CNTN4: variants seen among roughly 807,000 people sequenced by gnomAD.
CNTN4 encodes contactin 4, also known as contactin-4.
In CNTN4, 77 loss-of-function variants were observed where a neutral mutation model predicts 122.5. The ratio of observed to expected loss-of-function variants is 0.63; its 90% confidence interval spans 0.52 to 0.76. CNTN4 has a LOEUF of 0.76. Ranked by LOEUF, CNTN4 falls within the 30% of genes least tolerant of loss-of-function variation. The probability of loss-of-function intolerance (pLI) is 0.00; values close to 1 mark genes in which losing one functional copy is unlikely to be tolerated. For synonymous variants in CNTN4, 512 were observed against 447.0 expected (o/e 1.15, Z -1.83); for missense variants, 1,256 against 1,259.1 (o/e 1.00, Z 0.04).
At chr3:2,597,725 G>A (rs1054430823) in intron 4 of CNTN4, among the ~76,000 whole-genome samples, 1 of 152,080 alleles carries the variant, frequency 6.6e-6, no homozygotes, top group African/African-American at 2.4e-5. Context: ...CACACGTCAG[G>A]GGAGCATAAA....
chr3:2,324,365 C>A lies in CNTN4; in HGVS notation c.-144-14813C>A, dbSNP rs563429772. Among the ~76,000 whole-genome samples, 70 of 152,230 alleles carry A rather than the reference C, an allele frequency of 4.6e-4. 2 individuals are homozygous for A. Among genetic ancestry groups the A allele is most frequent in the African/African-American group, 1.6e-3 (68 of 41,536 alleles). ...GCACACTCACACTCATACTTTTGTT[C>A]TACATAACATATATATTGTGTAGTA... is the stretch of plus-strand genomic sequence containing the variant. On this transcript the variant is annotated intron_variant, in intron 2 of 24. Transcript: ENST00000418658.
At chr3:2,379,871 A>T (rs541440879) in intron 3 of CNTN4, among the ~76,000 whole-genome samples, 38 of 152,194 alleles carry the variant, frequency 2.5e-4, no homozygotes, top group African/African-American at 8.7e-4. Flanking sequence ...CCTGACAAAC[A>T]TGGAGAAACC....
chr3:2,439,608 C>G lies in CNTN4; in HGVS notation c.-89+100375C>G, dbSNP rs115330814. Among the ~76,000 whole-genome samples, 733 of 152,064 alleles carry G rather than the reference C, an allele frequency of 4.8e-3. 4 individuals carry two copies. The highest frequency in any genetic ancestry group is 0.017 in the African/African-American group (704 of 41,502). On this transcript the variant is annotated intron_variant, in intron 3 of 24. Coordinates refer to ENST00000418658, the MANE Select transcript of CNTN4 (RefSeq NM_175607.3). ...TCATCTGAAGTATCTGTGTTCCTCT[C>G]TCTTTCTGTCTCTGTATGTGTGTGT...
chr3:2,451,350 C>T (rs9816556), intron 3 of CNTN4, among the ~76,000 whole-genome samples: 99,394 of 151,248 alleles, frequency 0.66, 33,118 homozygotes, highest in East Asian at 0.8. Context: ...CAATCTGGGG[C>T]ATCACCAGCA....
intron 4 of CNTN4, among the ~76,000 whole-genome samples, chr3:2,629,006 G>C (rs1434155149): frequency 6.6e-6 from 1 of 152,054 alleles, no homozygotes; most frequent in African/African-American, 2.4e-5. Flanking sequence ...AATTTAATTT[G>C]GTCAATTGTC....
intron 2 of CNTN4, among the ~76,000 whole-genome samples, chr3:2,244,583 A>G (rs2040070194): frequency 6.6e-6 from 1 of 152,120 alleles, no homozygotes; most frequent in South Asian, 2.1e-4. Flanking sequence ...AAAATATATT[A>G]TTAAACTTAA....
chr3:2,818,025 G>T (rs566394638), intron 6 of CNTN4, among the ~76,000 whole-genome samples: 10 of 152,178 alleles, frequency 6.6e-5, no homozygotes, highest in Non-Finnish European at 1.2e-4. Flanking sequence ...CAGAGTATGT[G>T]TGTGTCCTTC....
At chr3:2,844,033 C>T (rs576292652) in intron 7 of CNTN4, among the ~76,000 whole-genome samples, 35 of 152,322 alleles carry the variant, frequency 2.3e-4, no homozygotes, top group African/African-American at 8.2e-4. Context: ...CAACCCCCAT[C>T]CTTCTGTTCC....
chr3:2,194,674 T>C (rs1233039887), intron 2 of CNTN4, among the ~76,000 whole-genome samples: 4 of 152,158 alleles, frequency 2.6e-5, no homozygotes, highest in African/African-American at 7.2e-5. Context: ...CCCAATATGA[T>C]TGGCATCATT....
At chr3:2,362,398 G>T in intron 3 of CNTN4, 1 of 342,414 alleles carries the variant, frequency 2.9e-6, no homozygotes, top group South Asian at 2.4e-5. Context: ...GGCAATTCCT[G>T]GGGGTGTAGC....
intron 4 of CNTN4, among the ~76,000 whole-genome samples, chr3:2,646,774 C>T (rs1260512300): frequency 1.3e-5 from 2 of 152,162 alleles, no homozygotes; most frequent in Non-Finnish European, 2.9e-5. Flanking sequence ...TTCAGATGAT[C>T]ACCTTCTCCC....
chr3:2,402,435 G>A (rs573172903), intron 3 of CNTN4, among the ~76,000 whole-genome samples: 2 of 151,972 alleles, frequency 1.3e-5, no homozygotes, highest in South Asian at 2.1e-4. Flanking sequence ...CATAGTAGTC[G>A]TACATATTAA....
intron 2 of CNTN4, among the ~76,000 whole-genome samples, chr3:2,179,793 T>A (rs1449030961): frequency 1.3e-5 from 2 of 151,954 alleles, no homozygotes; most frequent in African/African-American, 4.8e-5. Context: ...CCTTTAGAAA[T>A]ATTATGTGAG....
intron 3 of CNTN4, among the ~76,000 whole-genome samples, chr3:2,366,186 C>G (rs956886895): frequency 1.4e-4 from 22 of 152,124 alleles, no homozygotes; most frequent in Admixed American, 1.4e-3. Context: ...CTCTTCATTT[C>G]TTGGTTATTT....
At chr3:2,830,242 G>A (rs1335125438) in intron 7 of CNTN4, among the ~76,000 whole-genome samples, 1 of 152,030 alleles carries the variant, frequency 6.6e-6, no homozygotes, top group Non-Finnish European at 1.5e-5. Context: ...TGTATTTGTG[G>A]ATACACAGAT....
In CNTN4 at chr3:2,476,303, G is replaced by C. The variant is rs578244100; in HGVS notation, c.-88-95113G>C. 2.0e-5 allele frequency among the ~76,000 whole-genome samples: 3 copies of C among 152,268 alleles called. No homozygotes were observed. The East Asian group carries it at 5.8e-4, about 29-fold the overall frequency. Reference sequence around the variant, plus strand: ...AGTGGAGTGAGCCAATGTCAGTTAAGATTTTGGCGTTTCCACTGCAGGATC... The same window carrying C: ...AGTGGAGTGAGCCAATGTCAGTTAACATTTTGGCGTTTCCACTGCAGGATC... On this transcript the variant is annotated intron_variant, in intron 3 of 24. Transcript: ENST00000418658.
chr3:2,538,496 A>T (rs924083687), intron 3 of CNTN4, among the ~76,000 whole-genome samples: 4 of 152,062 alleles, frequency 2.6e-5, no homozygotes, highest in Non-Finnish European at 5.9e-5. Context: ...TTTAATATAT[A>T]TAGTTATTTC....
At chr3:2,842,505 TCTC>T (rs60405398) in intron 7 of CNTN4, among the ~76,000 whole-genome samples, 29,506 of 152,020 alleles carry the variant, frequency 0.19, 3,133 homozygotes, top group Non-Finnish European at 0.24. Context: ...TGTGGCAACA[TCTC>T]CTGCTTTAAA....
chr3:3,005,930 G>C (rs1345659041), intron 14 of CNTN4, among the ~76,000 whole-genome samples: 1 of 145,172 alleles, frequency 6.9e-6, no homozygotes, highest in Non-Finnish European at 1.5e-5. Context: ...GTGTCGCCCA[G>C]GCTGGAGTGC....
Sources: gnomAD v4.1 joint callset for allele counts (sites outside exome capture counted in the v4.1 genomes callset) on GRCh38, gnomAD v4.1.1 for gene constraint, MANE v1.5 for transcripts, NCBI Gene and HGNC (gene_info 2026-07-23, HGNC 2026-07-21) for gene names.